ACVR1C: variants seen among roughly 807,000 people sequenced by gnomAD.
ACVR1C encodes activin receptor type-1C.
In ACVR1C, 23 loss-of-function variants were observed where a neutral mutation model predicts 57.9. The observed-to-expected ratio is 0.40, with a 90% confidence interval of 0.29 to 0.56. ACVR1C has a LOEUF of 0.56. Ranked by LOEUF, ACVR1C falls within the 20% of genes least tolerant of loss-of-function variation. The probability of loss-of-function intolerance (pLI) is 0.50; values close to 1 mark genes in which losing one functional copy is unlikely to be tolerated. For synonymous variants in ACVR1C, 214 were observed against 215.3 expected, an observed-to-expected ratio of 0.99 and a Z score of 0.05; for missense variants, 480 against 607.9, an observed-to-expected ratio of 0.79 and a Z score of 2.21.
intron 3 of ACVR1C, among the ~76,000 whole-genome samples, chr2:157,554,922 T>C (rs1328184326): frequency 1.3e-5 from 2 of 151,854 alleles, no homozygotes; most frequent in Non-Finnish European, 2.9e-5. Context: ...TATATATATA[T>C]GGAATCCCCT....
rs115128233 is a variant in ACVR1C at position 157,552,688 on chromosome 2, T to C, written c.545-2296A>G. Among the ~76,000 whole-genome samples, 543 of 152,294 alleles carry C rather than the reference T, an allele frequency of 3.6e-3. 6 individuals carry two copies. Among genetic ancestry groups the C allele is most frequent in the African/African-American group, 0.012 (496 of 41,548 alleles). ...GCAAATTAATCAAGTACATAATCAG[T>C]GGTGCAGATCAGGAACAAAGTAAGA... On this transcript the variant is annotated intron_variant, in intron 3 of 8. Coordinates refer to ENST00000243349, the MANE Select transcript of ACVR1C (RefSeq NM_145259.3).
At chr2:157,583,180 CT>C (rs1469885703) in intron 2 of ACVR1C, among the ~76,000 whole-genome samples, 3 of 152,118 alleles carry the variant, frequency 2.0e-5, no homozygotes, top group African/African-American at 7.2e-5. Context: ...TTTTCACAAG[CT>C]TTCAGGATAT....
chr2:157,562,197 A>T (rs1037273351), intron 2 of ACVR1C, among the ~76,000 whole-genome samples: 1 of 151,704 alleles, frequency 6.6e-6, no homozygotes, highest in Non-Finnish European at 1.5e-5. Context: ...TGGGAGGCTG[A>T]GGTAGAAGAA....
At chr2:157,552,171 C>G (rs1202340180) in intron 3 of ACVR1C, among the ~76,000 whole-genome samples, 1 of 152,110 alleles carries the variant, frequency 6.6e-6, no homozygotes, top group Non-Finnish European at 1.5e-5. Context: ...GAGTCTTGCT[C>G]TGTCAGGCTG....
Position 157,533,340 on chromosome 2 carries a change from A to T in ACVR1C, c.*578T>A, listed in dbSNP as rs1687403673. On this transcript the variant is annotated 3_prime_UTR_variant, in exon 9 of 9. Transcript: ENST00000243349. ...GGATTATGAAGAACAGGAGAACAGC[A>T]GAAGGGGAGACCAAGCACATGGGAC... is the stretch of plus-strand genomic sequence containing the variant. The T allele has an allele frequency of 1.3e-5, 2 of 152,446 alleles. No homozygotes were observed. Among genetic ancestry groups the T allele is most frequent in the Non-Finnish European group, 2.9e-5 (2 of 68,054 alleles). 9.4% of individuals were successfully genotyped at this position (152,446 alleles called of 1,614,324 possible).
At chr2:157,552,734 G>A (rs1573913688) in intron 3 of ACVR1C, among the ~76,000 whole-genome samples, 1 of 152,144 alleles carries the variant, frequency 6.6e-6, no homozygotes. Context: ...TAAAGTACTC[G>A]AGACAGCAAT....
At chr2:157,607,857 G>C (rs1222665492) in intron 1 of ACVR1C, among the ~76,000 whole-genome samples, 1 of 151,680 alleles carries the variant, frequency 6.6e-6, no homozygotes, top group East Asian at 1.9e-4. Flanking sequence ...TTTTTTGGTG[G>C]AGGCTTTTGA....
intron 4 of ACVR1C, among the ~76,000 whole-genome samples, chr2:157,548,306 A>T (rs1316595314): frequency 1.9e-4 from 28 of 147,174 alleles, no homozygotes; most frequent in African/African-American, 6.8e-4. Flanking sequence ...AGAACATTCC[A>T]TGCTCATGGG....
chr2:157,549,074 G>C (rs577594723), intron 4 of ACVR1C, among the ~76,000 whole-genome samples: 1 of 152,146 alleles, frequency 6.6e-6, no homozygotes. Context: ...AAAACTCCTG[G>C]GCCAGGCGGG....
intron 2 of ACVR1C, among the ~76,000 whole-genome samples, chr2:157,566,039 C>G (rs1336248709): frequency 2.6e-5 from 4 of 152,178 alleles, no homozygotes; most frequent in Non-Finnish European, 4.4e-5. Context: ...AATCAGTTTT[C>G]TTAATTTCAG....
chr2:157,551,913 A>C (rs760524692), intron 3 of ACVR1C, among the ~76,000 whole-genome samples: 3 of 152,216 alleles, frequency 2.0e-5, no homozygotes, highest in South Asian at 2.1e-4. Flanking sequence ...CTCAACAATT[A>C]GTCACAAAAC....
chr2:157,615,332 A>C (rs1043385399), intron 1 of ACVR1C, among the ~76,000 whole-genome samples: 48 of 151,648 alleles, frequency 3.2e-4, no homozygotes, highest in Admixed American at 6.6e-4. Flanking sequence ...AAAAAAAAAA[A>C]ACACAAAAAG....
At chr2:157,572,783 TCCAAACAATAAAAATCATAGCACCTTTCA>T (rs1416302059) in intron 2 of ACVR1C, among the ~76,000 whole-genome samples, 1 of 152,160 alleles carries the variant, frequency 6.6e-6, no homozygotes, top group African/African-American at 2.4e-5. Flanking sequence ...CAGAGCACTT[TCCAAACAATAAAAATCATAGCACCTTTCA>T]TTTTAGGGGG....
At chr2:157,597,812 T>C (rs1457725678) in intron 1 of ACVR1C, among the ~76,000 whole-genome samples, 1 of 152,228 alleles carries the variant, frequency 6.6e-6, no homozygotes, top group African/African-American at 2.4e-5. Flanking sequence ...ATGACGCTTT[T>C]TCATTTGGAA....
intron 2 of ACVR1C, among the ~76,000 whole-genome samples, chr2:157,586,523 A>G (rs1688925331): frequency 6.6e-6 from 1 of 152,178 alleles, no homozygotes; most frequent in African/African-American, 2.4e-5. Flanking sequence ...TCAGAATTAC[A>G]TGTCCCTTAA....
intron 2 of ACVR1C, among the ~76,000 whole-genome samples, chr2:157,566,734 C>T (rs1368611654): frequency 1.3e-5 from 2 of 151,694 alleles, no homozygotes; most frequent in Admixed American, 6.6e-5. Context: ...TCGCTGATTG[C>T]TAGCACAGCA....
intron 2 of ACVR1C, among the ~76,000 whole-genome samples, chr2:157,561,508 A>G (rs1573920793): frequency 6.6e-6 from 1 of 152,204 alleles, no homozygotes; most frequent in Admixed American, 6.5e-5. Flanking sequence ...CACTCCTGTG[A>G]ATTCAATTAA....
At chr2:157,544,671 T>A in intron 4 of ACVR1C, 59 bp from the exon 5 acceptor site, 1 of 1,437,080 alleles carries the variant, frequency 7.0e-7, no homozygotes, top group Non-Finnish European at 9.6e-7. Flanking sequence ...AGCCAAAAGC[T>A]TTTAAAAATA....
chr2:157,601,758 T>TG (rs1235806705), intron 1 of ACVR1C, among the ~76,000 whole-genome samples: 1 of 152,172 alleles, frequency 6.6e-6, no homozygotes, highest in Non-Finnish European at 1.5e-5. Flanking sequence ...CCTCTAACCC[T>TG]GCTGTGCAGC....
Sources: allele counts gnomAD v4.1 joint callset (sites outside exome capture counted in the v4.1 genomes callset), GRCh38; gene constraint gnomAD v4.1.1; transcripts MANE v1.5; gene names NCBI Gene and HGNC (gene_info 2026-07-23, HGNC 2026-07-21).